CNTN1: variants seen among roughly 807,000 people sequenced by gnomAD.
CNTN1 encodes contactin 1.
In CNTN1, 38 loss-of-function variants were observed where a neutral mutation model predicts 126.4. The observed-to-expected ratio is 0.30, with a 90% CI of 0.23 to 0.39. The LOEUF (loss-of-function observed/expected upper bound fraction) is 0.39, where lower values mean the gene tolerates loss of function less well. Ranked by LOEUF, CNTN1 falls within the 10% of genes least tolerant of loss-of-function variation. The pLI is 1.00. For synonymous variants in CNTN1, 413 were observed against 422.6 expected (o/e 0.98, Z 0.28); for missense variants, 1,009 against 1,248.4 (o/e 0.81, Z 2.89).
chr12:40,798,560 A>G (rs1311028880), intron 1 of CNTN1, among the ~76,000 whole-genome samples: 3 of 151,910 alleles, frequency 2.0e-5, no homozygotes, highest in African/African-American at 7.2e-5. Flanking sequence ...CTCAGCCATT[A>G]AAAAAAGAAC....
At chr12:40,931,745 T>G (rs965424812) in intron 7 of CNTN1, among the ~76,000 whole-genome samples, 2 of 151,600 alleles carry the variant, frequency 1.3e-5, no homozygotes, top group Non-Finnish European at 2.9e-5. Flanking sequence ...ACCTGGGGAG[T>G]TTTGGGAATA....
chr12:40,940,313 TGGA>T (rs2136941162), intron 12 of CNTN1, among the ~76,000 whole-genome samples: 2 of 152,000 alleles, frequency 1.3e-5, no homozygotes, highest in East Asian at 3.9e-4. Context: ...TAGAGGAAAA[TGGA>T]GGAGACTTTT....
At position 40,844,069 on chromosome 12, in the gene CNTN1, A is replaced by ATTT. The variant is rs397957366; in HGVS notation, c.-76-64274_-76-64272dup. On this transcript the variant is annotated intron_variant, in intron 1 of 23. Transcript: ENST00000551295. ...ATTGAAAAAATTCTTTGGCACAATG[A>ATTT]TTTTTTTTTTTTTTTTGAGACGGAG... Among the ~76,000 whole-genome samples the ATTT allele has an allele frequency of 9.7e-3, 821 of 84,654 alleles. 210 individuals carry two copies. Among genetic ancestry groups the ATTT allele is most frequent in the Admixed American group, 0.025 (148 of 5,812 alleles). 55.5% of individuals were successfully genotyped at this position (84,654 alleles called of 152,430 possible). A position where few individuals can be genotyped will look rare whatever the true frequency, so the allele number is the denominator to read the frequency against.
At chr12:41,015,405 G>A (rs1458441565) in intron 18 of CNTN1, among the ~76,000 whole-genome samples, 1 of 152,074 alleles carries the variant, frequency 6.6e-6, no homozygotes, top group Non-Finnish European at 1.5e-5. Flanking sequence ...TTCAAATTCA[G>A]GTTTCTGGAG....
intron 14 of CNTN1, among the ~76,000 whole-genome samples, chr12:40,958,049 G>A (rs1425134028): frequency 6.6e-6 from 1 of 151,806 alleles, no homozygotes; most frequent in South Asian, 2.1e-4. Flanking sequence ...CAATATTTTT[G>A]GTTCATAGGA....
intron 1 of CNTN1, among the ~76,000 whole-genome samples, chr12:40,782,667 G>A (rs533161470): frequency 6.6e-6 from 1 of 151,892 alleles, no homozygotes; most frequent in Non-Finnish European, 1.5e-5. Flanking sequence ...AGATGGAGGT[G>A]TATGGACTTA....
At chr12:40,944,421 C>T (rs1481129552) in intron 14 of CNTN1, among the ~76,000 whole-genome samples, 2 of 151,798 alleles carry the variant, frequency 1.3e-5, no homozygotes, top group African/African-American at 4.8e-5. Flanking sequence ...GTATGATTTC[C>T]CCCTTAATTT....
intron 1 of CNTN1, among the ~76,000 whole-genome samples, chr12:40,741,166 T>C (rs1029532281): frequency 1.3e-5 from 2 of 152,062 alleles, no homozygotes; most frequent in African/African-American, 4.8e-5. Context: ...GCCCAAACAA[T>C]TGATATTTAA....
At position 40,924,367 on chromosome 12, in the gene CNTN1, G is replaced by T. The variant is rs3816251; in HGVS notation, c.401-190G>T. Among the ~76,000 whole-genome samples the T allele has an allele frequency of 0.51, 77,819 of 151,794 alleles. 20,496 individuals are homozygous for T. The highest frequency in any genetic ancestry group is 0.65 in the African/African-American group (27,040 of 41,398). On this transcript the variant is annotated intron_variant, in intron 5 of 23. Coordinates refer to ENST00000551295, the MANE Select transcript of CNTN1 (RefSeq NM_001843.4). ...ATCCATAGACTTTGAGCTCATAACA[G>T]AACTTTTTAATAGTCTATACAAAAT...
chr12:41,045,993 C>T (rs888240918), intron 23 of CNTN1, among the ~76,000 whole-genome samples: 11 of 152,014 alleles, frequency 7.2e-5, no homozygotes, highest in African/African-American at 1.4e-4. Flanking sequence ...ACAGAAAATG[C>T]AGGAAGAGTC....
chr12:40,903,336 G>A (rs1944676434), intron 1 of CNTN1, among the ~76,000 whole-genome samples: 1 of 150,320 alleles, frequency 6.7e-6, no homozygotes, highest in Non-Finnish European at 1.5e-5. Context: ...TATTTCAGTT[G>A]TTGAGAAGAA....
chr12:40,709,790 A>G (rs1204334752), intron 1 of CNTN1, among the ~76,000 whole-genome samples: 1 of 152,136 alleles, frequency 6.6e-6, no homozygotes, highest in East Asian at 1.9e-4. Flanking sequence ...GCATTCATAC[A>G]ATGGAAGAGA....
At chr12:40,841,692 T>C (rs1030976807) in intron 1 of CNTN1, among the ~76,000 whole-genome samples, 1 of 151,632 alleles carries the variant, frequency 6.6e-6, no homozygotes, top group African/African-American at 2.4e-5. Flanking sequence ...GATATTCCAA[T>C]AGATGCAGAA....
At chr12:40,885,030 A>AT (rs1356989496) in intron 1 of CNTN1, among the ~76,000 whole-genome samples, 3 of 151,598 alleles carry the variant, frequency 2.0e-5, no homozygotes, top group African/African-American at 7.3e-5. Flanking sequence ...ATGCTTATTG[A>AT]TTTTTTTCTA....
intron 1 of CNTN1, among the ~76,000 whole-genome samples, chr12:40,733,947 C>T (rs1273108243): frequency 6.6e-6 from 1 of 152,084 alleles, no homozygotes; most frequent in Non-Finnish European, 1.5e-5. Flanking sequence ...TGGTGATTCA[C>T]TGCTCACCAG....
intron 1 of CNTN1, among the ~76,000 whole-genome samples, chr12:40,755,866 A>G (rs1284758632): frequency 6.6e-6 from 1 of 152,102 alleles, no homozygotes; most frequent in African/African-American, 2.4e-5. Context: ...AATTGAGGGA[A>G]GGGATATTAA....
At chr12:40,812,464 T>C (rs577606117) in intron 1 of CNTN1, among the ~76,000 whole-genome samples, 2 of 152,240 alleles carry the variant, frequency 1.3e-5, no homozygotes, top group South Asian at 4.1e-4. Context: ...CTTACTGATT[T>C]TCTGTCTGGA....
chr12:40,698,864 G>A (rs2405293), intron 1 of CNTN1, among the ~76,000 whole-genome samples: 30,698 of 151,960 alleles, frequency 0.2, 3,221 homozygotes, highest in Middle Eastern at 0.28. Context: ...CCAATCTCCC[G>A]TAATGTCAAT....
chr12:40,930,773 A>G lies in CNTN1; in HGVS notation c.703+771A>G, dbSNP rs551602586. On this transcript the variant is annotated intron_variant, in intron 7 of 23. Transcript: ENST00000551295. Reference sequence around the variant, plus strand: ...TAAGCACAGTGTGATGATGGGAAAAATGCTATAATACCATTGAGGTTCCAT... The same window carrying G: ...TAAGCACAGTGTGATGATGGGAAAAGTGCTATAATACCATTGAGGTTCCAT... Among the ~76,000 whole-genome samples, 8 of 152,074 alleles carry G rather than the reference A, an allele frequency of 5.3e-5. No individual in the cohort carries two copies. In the South Asian group the frequency reaches 1.4e-3, roughly 28 times the overall value.
Sources: allele counts gnomAD v4.1 joint callset (sites outside exome capture counted in the v4.1 genomes callset), GRCh38; gene constraint gnomAD v4.1.1; transcripts MANE v1.5; gene names NCBI Gene and HGNC (gene_info 2026-07-23, HGNC 2026-07-21).